The following CACNG3 variants were observed in gnomAD, a reference collection of about 807,000 sequenced individuals.
CACNG3 encodes voltage-dependent calcium channel gamma-3 subunit.
In CACNG3, 3 loss-of-function variants were observed where a neutral mutation model predicts 28.5. That is an observed-to-expected ratio of 0.11 (90% confidence interval 0.05 to 0.27). The LOEUF is 0.27. Ranked by LOEUF, CACNG3 falls within the 10% of genes least tolerant of loss-of-function variation. CACNG3 has a pLI of 1.00. For synonymous variants in CACNG3, 174 were observed against 162.2 expected (o/e 1.07, Z -0.55); for missense variants, 236 against 414.4 (o/e 0.57, Z 3.74).
At chr16:24,306,860 A>G (rs555669919) in intron 1 of CACNG3, among the ~76,000 whole-genome samples, 13 of 152,216 alleles carry the variant, frequency 8.5e-5, no homozygotes, top group African/African-American at 2.9e-4. Flanking sequence ...ACTGACCCCC[A>G]GTCTCTCAAC....
intron 1 of CACNG3, among the ~76,000 whole-genome samples, chr16:24,269,711 C>A (rs1434800294): frequency 2.4e-5 from 3 of 125,760 alleles, no homozygotes; most frequent in African/African-American, 9.3e-5. Flanking sequence ...AGCACCATTG[C>A]ACTCCAGCCT....
intron 1 of CACNG3, among the ~76,000 whole-genome samples, chr16:24,338,094 A>G (rs1567222166): frequency 6.6e-6 from 1 of 151,926 alleles, no homozygotes; most frequent in Non-Finnish European, 1.5e-5. Context: ...CTTTTTTCCT[A>G]CTAGCCTCTC....
At chr16:24,293,908 A>G (rs1402115751) in intron 1 of CACNG3, among the ~76,000 whole-genome samples, 1 of 152,108 alleles carries the variant, frequency 6.6e-6, no homozygotes, top group Non-Finnish European at 1.5e-5. Flanking sequence ...ATGGGTGAAA[A>G]AAAATAAGCC....
At chr16:24,319,013 T>C (rs1042668994) in intron 1 of CACNG3, among the ~76,000 whole-genome samples, 1 of 152,240 alleles carries the variant, frequency 6.6e-6, no homozygotes, top group Non-Finnish European at 1.5e-5. Flanking sequence ...AATCATTTTG[T>C]TTTCATTGTG....
chr16:24,357,095 G>A (rs1395645401), intron 3 of CACNG3, among the ~76,000 whole-genome samples: 1 of 151,972 alleles, frequency 6.6e-6, no homozygotes, highest in African/African-American at 2.4e-5. Flanking sequence ...TTAGCTGGGT[G>A]TGGTGGTGCA....
intron 1 of CACNG3, among the ~76,000 whole-genome samples, chr16:24,287,425 T>G (rs1596628573): frequency 7.2e-6 from 1 of 139,778 alleles, no homozygotes; most frequent in African/African-American, 2.7e-5. Flanking sequence ...GGCTGAGGCA[T>G]GAGAATCACT....
chr16:24,287,833 T>C (rs1898914771), intron 1 of CACNG3, among the ~76,000 whole-genome samples: 1 of 152,106 alleles, frequency 6.6e-6, no homozygotes, highest in South Asian at 2.1e-4. Flanking sequence ...TGAGGCCAGG[T>C]ACAGTGGGCT....
intron 1 of CACNG3, among the ~76,000 whole-genome samples, chr16:24,306,112 T>A (rs1192051109): frequency 2.6e-5 from 4 of 152,218 alleles, no homozygotes; most frequent in Non-Finnish European, 5.9e-5. Context: ...GTGAACTTTC[T>A]TCCTCTGGTG....
intron 1 of CACNG3, among the ~76,000 whole-genome samples, chr16:24,268,651 T>C (rs1898645588): frequency 6.6e-6 from 1 of 152,214 alleles, no homozygotes; most frequent in South Asian, 2.1e-4. Context: ...AGATCAAATG[T>C]AAATTTTTCT....
At chr16:24,332,552 A>G (rs1254564629) in intron 1 of CACNG3, among the ~76,000 whole-genome samples, 3 of 152,084 alleles carry the variant, frequency 2.0e-5, no homozygotes, top group African/African-American at 7.2e-5. Flanking sequence ...TTTATTTCTC[A>G]GTAACTGACT....
At position 24,259,965 on chromosome 16, in the gene CACNG3, T is replaced by C. The variant is rs567694958; in HGVS notation, c.211+3000T>C. Among the ~76,000 whole-genome samples, 5 of 152,314 alleles carry C rather than the reference T, an allele frequency of 3.3e-5. No homozygotes were observed. In the South Asian group the frequency reaches 1.0e-3, roughly 32 times the overall value. On this transcript the variant is annotated intron_variant, in intron 1 of 3. Coordinates refer to ENST00000005284, the MANE Select transcript of CACNG3 (RefSeq NM_006539.4). ...CTGAGGTAGACCAGGAAAATCTGAG[T>C]TTTCTAAAGGTGCTCCAAGCAATTA...
chr16:24,358,204 T>C (rs1405079463), intron 3 of CACNG3, among the ~76,000 whole-genome samples: 1 of 152,224 alleles, frequency 6.6e-6, no homozygotes, highest in Non-Finnish European at 1.5e-5. Context: ...AAACAATTCT[T>C]AATTGAGCAC....
chr16:24,285,621 G>C (rs1307489472), intron 1 of CACNG3, among the ~76,000 whole-genome samples: 1 of 152,074 alleles, frequency 6.6e-6, no homozygotes, highest in Non-Finnish European at 1.5e-5. Context: ...TTCAAGTCTA[G>C]CCTGGGCAAC....
intron 1 of CACNG3, among the ~76,000 whole-genome samples, chr16:24,344,289 A>G (rs1899828735): frequency 1.3e-5 from 2 of 151,942 alleles, no homozygotes; most frequent in Admixed American, 6.6e-5. Context: ...AAAATTAGCC[A>G]GGCCTGGTGG....
chr16:24,319,973 G>T (rs1364148018), intron 1 of CACNG3, among the ~76,000 whole-genome samples: 1 of 152,180 alleles, frequency 6.6e-6, no homozygotes, highest in Non-Finnish European at 1.5e-5. Context: ...GTTTCACCAT[G>T]TTGGCCAGGC....
chr16:24,346,667 G>A (rs1899871968), intron 1 of CACNG3, 67 bp from the exon 2 acceptor site: 1 of 998,976 alleles, frequency 1.0e-6, no homozygotes, highest in East Asian at 2.7e-5. Flanking sequence ...ATAGCGGTGA[G>A]GACCCAGGCT....
intron 2 of CACNG3, among the ~76,000 whole-genome samples, chr16:24,348,307 G>A (rs1213597518): frequency 6.6e-6 from 1 of 152,072 alleles, no homozygotes. Context: ...GGAGGCTGAG[G>A]TGGGAGGATT....
chr16:24,287,621 T>A (rs1898913047), intron 1 of CACNG3, among the ~76,000 whole-genome samples: 1 of 151,906 alleles, frequency 6.6e-6, no homozygotes, highest in African/African-American at 2.4e-5. Context: ...GCAATTTTCC[T>A]GAGACTCTCC....
chr16:24,344,234 C>A (rs1401808063), intron 1 of CACNG3, among the ~76,000 whole-genome samples: 1 of 152,018 alleles, frequency 6.6e-6, no homozygotes, highest in Non-Finnish European at 1.5e-5. Context: ...GGGTTCAAGA[C>A]CAGCCTGGCC....
Sources: gnomAD v4.1 joint callset for allele counts (sites outside exome capture counted in the v4.1 genomes callset) on GRCh38, gnomAD v4.1.1 for gene constraint, MANE v1.5 for transcripts, NCBI Gene and HGNC (gene_info 2026-07-23, HGNC 2026-07-21) for gene names.